Variants in ZGPAT observed in about 807,000 individuals in gnomAD.
ZGPAT encodes zinc finger CCCH-type and G-patch domain containing.
In ZGPAT, 39 loss-of-function variants were observed where a neutral mutation model predicts 47.9. That is an observed-to-expected ratio of 0.81 (90% CI 0.63 to 1.06). The LOEUF (loss-of-function observed/expected upper bound fraction) is 1.06, where lower values mean the gene tolerates loss of function less well. Among genes scored for constraint, ZGPAT ranks in the 50% least tolerant of loss-of-function variants. The probability of loss-of-function intolerance (pLI) is 0.00; values close to 1 mark genes in which losing one functional copy is unlikely to be tolerated. For synonymous variants in ZGPAT, 348 were observed against 292.9 expected (o/e 1.19, Z -1.92); for missense variants, 717 against 681.4 (o/e 1.05, Z -0.58).
chr20:63,723,829 TG>T (rs1568792739), intron 2 of ZGPAT, among the ~76,000 whole-genome samples: 1 of 152,222 alleles, frequency 6.6e-6, no homozygotes, highest in African/African-American at 2.4e-5. Flanking sequence ...CCAGCACTTT[TG>T]GGGGCTGAGG....
chr20:63,726,335 A>G (rs927048283), intron 2 of ZGPAT, among the ~76,000 whole-genome samples: 1 of 149,892 alleles, frequency 6.7e-6, no homozygotes, highest in Non-Finnish European at 1.5e-5. Flanking sequence ...AGTAGCTGAG[A>G]TGATAGGCGC....
Position 63,735,505 on chromosome 20 carries a change from C to A in ZGPAT, c.1338C>A (p.Ile446=). ...SLRLFQTEEK[I]ERTQRDIRSI... The stretch of plus-strand genomic sequence containing the variant: ...GGCTCTTCCAGACTGAGGAGAAGAT[C>A]GAGCGAACCCAGCGGGACATCAGGA... Residue 446 remains isoleucine, a synonymous_variant, in exon 6 of 7, where the codon ATC becomes ATA. Transcript: ENST00000355969. 1 of 1,532,092 alleles carries A rather than the reference C, an allele frequency of 6.5e-7. No individual in the cohort carries two copies. The highest frequency in any genetic ancestry group is 2.3e-5 in the East Asian group (1 of 44,160). 94.9% of individuals were successfully genotyped at this position (1,532,092 alleles called of 1,614,324 possible).
Position 63,735,770 on chromosome 20 carries a change from C to T in ZGPAT, c.1398-11C>T. Reference sequence around the variant, plus strand: ...CCAGGACCCCACGCTGACTAGTGAGCCCCTCCGCAGGCATAGCGTGGCGTC... The same window carrying T: ...CCAGGACCCCACGCTGACTAGTGAGTCCCTCCGCAGGCATAGCGTGGCGTC... On this transcript the variant is annotated splice_polypyrimidine_tract_variant and intron_variant, in intron 6 of 6. Transcript: ENST00000355969. 1.3e-6 allele frequency: 2 copies of T among 1,587,956 alleles called. No individual in the cohort carries two copies. The highest frequency in any genetic ancestry group is 1.7e-6 in the Non-Finnish European group (2 of 1,168,216).
chr20:63,723,037 A>G (rs1233943171), intron 2 of ZGPAT, among the ~76,000 whole-genome samples: 1 of 152,096 alleles, frequency 6.6e-6, no homozygotes, highest in Non-Finnish European at 1.5e-5. Flanking sequence ...TTCCTCTGAC[A>G]TAGTTCCATC....
chr20:63,724,376 A>AAAG (rs2091821668), intron 2 of ZGPAT, among the ~76,000 whole-genome samples: 2 of 151,220 alleles, frequency 1.3e-5, no homozygotes, highest in Admixed American at 6.6e-5. Flanking sequence ...AAAAAAAAAA[A>AAAG]AAAAGAAAAG....
intron 2 of ZGPAT, among the ~76,000 whole-genome samples, chr20:63,720,394 A>G (rs1324123633): frequency 6.6e-6 from 1 of 151,772 alleles, no homozygotes; most frequent in Non-Finnish European, 1.5e-5. Flanking sequence ...TGACCTCATG[A>G]TCCTCCTGCC....
rs146702746 is a variant in ZGPAT, at chr20:63,721,209, G to A, written c.585-12010G>A. 8.8e-3 allele frequency among the ~76,000 whole-genome samples: 1,340 copies of A among 152,062 alleles called. 29 individuals carry two copies. Among genetic ancestry groups the A allele is most frequent in the African/African-American group, 0.031 (1,288 of 41,464 alleles). ...TCTACTAAAAATACAAAAATTAACC[G>A]GGCATGGTGGCACCTGCCTGTAGTC... On this transcript the variant is annotated intron_variant, in intron 2 of 6. Coordinates refer to ENST00000355969, the MANE Select transcript of ZGPAT (RefSeq NM_181485.3).
At chr20:63,733,071 CGTGAGT>C (rs1007507104) in intron 2 of ZGPAT, 142 bp from the exon 3 acceptor site, 1 of 994,814 alleles carries the variant, frequency 1.0e-6, no homozygotes, top group South Asian at 1.6e-5. Flanking sequence ...TATGTGTGTG[CGTGAGT>C]GTGTGAGAGT....
chr20:63,735,074 C>A, intron 5 of ZGPAT, 85 bp from the exon 6 acceptor site: 1 of 1,437,962 alleles, frequency 7.0e-7, no homozygotes. Flanking sequence ...TCCCGGGGTC[C>A]CGTGGCCACA....
At chr20:63,719,057 C>T (rs1010133115) in intron 2 of ZGPAT, among the ~76,000 whole-genome samples, 1 of 83,744 alleles carries the variant, frequency 1.2e-5, no homozygotes, top group Non-Finnish European at 2.5e-5. Flanking sequence ...CAGTGCGAGA[C>T]TCCATCTCAA....
chr20:63,733,156 C>T (rs559964058), intron 2 of ZGPAT, 63 bp from the exon 3 acceptor site: 3 of 1,586,876 alleles, frequency 1.9e-6, no homozygotes, highest in Non-Finnish European at 2.6e-6. Flanking sequence ...GGTCAGTGCT[C>T]CTGGGTTGGT....
Position 63,735,116 on chromosome 20 carries a change from G to A in ZGPAT, c.992-43G>A, listed in dbSNP as rs371311502. 3.9e-3 allele frequency: 5,692 copies of A among 1,472,638 alleles called. 28 individuals carry two copies. The highest frequency in any genetic ancestry group is 7.8e-3 in the Middle Eastern group (33 of 4,224). 91.2% of individuals were successfully genotyped at this position (1,472,638 alleles called of 1,614,324 possible). A position where few individuals can be genotyped will look rare whatever the true frequency, so the allele number is the denominator to read the frequency against. On this transcript the variant is annotated intron_variant, in intron 5 of 6. Transcript: ENST00000355969. Reference sequence around the variant, plus strand: ...CCATCCCCGTGCTCCTCAGATTCCCGGGGTCCCGCAGCCACAGCACTGCCA... The same window carrying A: ...CCATCCCCGTGCTCCTCAGATTCCCAGGGTCCCGCAGCCACAGCACTGCCA...
chr20:63,736,068 CACTT>C lies in ZGPAT; in HGVS notation c.*154_*157del. ...ACAGAGCTGCGGGGTCCCATCTGGACACTTACTTGCCCACCTGCCAGTGTCTTGG... is the reference window on the plus strand; with the variant it reads ...ACAGAGCTGCGGGGTCCCATCTGGACACTTGCCCACCTGCCAGTGTCTTGG... On this transcript the variant is annotated 3_prime_UTR_variant, in exon 7 of 7. Transcript: ENST00000355969. The C allele has an allele frequency of 1.8e-6, 2 of 1,131,874 alleles. No homozygotes were observed. Among genetic ancestry groups the C allele is most frequent in the Non-Finnish European group, 2.5e-6 (2 of 807,532 alleles). 70.1% of individuals were successfully genotyped at this position (1,131,874 alleles called of 1,614,324 possible).
rs537000934 is a variant in ZGPAT at position 63,733,714 on chromosome 20, T to C, written c.846T>C (p.Gly282=). ...CAGAGTCCGACTCAGACAGCGACGG[T>C]ACGGGTGACTCCAGCTATGCCAGAG... ...EATESDSDSD[G]TGDSSYARVV... The change falls in exon 4 of 7, where the codon GGT becomes GGC. Residue 282 remains glycine (G), a synonymous_variant. Transcript: ENST00000355969. 8.7e-6 allele frequency: 14 copies of C among 1,613,374 alleles called. No individual in the cohort carries two copies. The East Asian group carries it at 3.1e-4, about 36-fold the overall frequency.
upstream of ZGPAT, chr20:63,707,905 CCCGCTGACCT>C (rs1322510000): frequency 1.3e-5 from 2 of 152,800 alleles, no homozygotes; most frequent in Admixed American, 6.5e-5. Flanking sequence ...GCTGCTGACC[CCCGCTGACCT>C]CCGCTGACCC....
At position 63,735,513 on chromosome 20, in the gene ZGPAT, C is replaced by T; in HGVS notation, c.1346C>T (p.Thr449Ile). 3 of 1,529,006 alleles carry T rather than the reference C, an allele frequency of 2.0e-6. No homozygotes were observed. Among genetic ancestry groups the T allele is most frequent in the Non-Finnish European group, 1.7e-6 (2 of 1,142,938 alleles). The allele number at this position is 1,529,006 out of a possible 1,614,324, so 94.7% of individuals were successfully genotyped here. Residue 449 changes from threonine to isoleucine, a missense_variant, in exon 6 of 7, where the codon ACC (threonine) becomes ATC (isoleucine). Thr to Ile is a moderately conservative substitution (Grantham distance 89). Coordinates refer to ENST00000355969, the MANE Select transcript of ZGPAT (RefSeq NM_181485.3). ...CAGACTGAGGAGAAGATCGAGCGAACCCAGCGGGACATCAGGAGCATCCAG... is the reference window on the plus strand; with the variant it reads ...CAGACTGAGGAGAAGATCGAGCGAATCCAGCGGGACATCAGGAGCATCCAG... ...LFQTEEKIER[T>I]QRDIRSIQEA... is the part of the protein sequence containing the mutation.
At chr20:63,727,753 A>G (rs978737343) in intron 2 of ZGPAT, among the ~76,000 whole-genome samples, 15 of 151,490 alleles carry the variant, frequency 9.9e-5, no homozygotes, top group Non-Finnish European at 2.1e-4. Context: ...ACATACTTAT[A>G]GTAGCTGCTT....
chr20:63,731,723 G>T (rs974975630), intron 2 of ZGPAT, among the ~76,000 whole-genome samples: 2 of 146,146 alleles, frequency 1.4e-5, no homozygotes, highest in African/African-American at 5.1e-5. Flanking sequence ...GTGAGATTGT[G>T]TGTGCATACG....
At position 63,709,057 on chromosome 20, in the gene ZGPAT, G is replaced by A; in HGVS notation, c.477G>A (p.Glu159=). 6.2e-7 allele frequency: 1 copy of A among 1,613,728 alleles called. No homozygotes were observed. Residue 159 remains glutamate (E), a synonymous_variant, in exon 2 of 7, where the codon GAG becomes GAA. Coordinates refer to ENST00000355969, the MANE Select transcript of ZGPAT (RefSeq NM_181485.3). ...TGGTGGTGGGAACGGAAGAGGCGGA[G>A]GATGGCTCGGCGGGTGTCCGTGTGC... ...NAMVVGTEEA[E]DGSAGVRVLY... is the part of the protein sequence containing the mutation.
Sources: allele counts gnomAD v4.1 joint callset (sites outside exome capture counted in the v4.1 genomes callset), GRCh38; gene constraint gnomAD v4.1.1; transcripts MANE v1.5; gene names NCBI Gene and HGNC (gene_info 2026-07-23, HGNC 2026-07-21).